The following RPS25 variants were observed in gnomAD, a reference collection of about 807,000 sequenced individuals.
RPS25 encodes ribosomal protein S25.
In RPS25, 1 loss-of-function variant was observed where a neutral mutation model predicts 14.4. The observed-to-expected ratio is 0.07, with a 90% CI of 0.02 to 0.33. RPS25 has a LOEUF of 0.33. Among genes scored for constraint, RPS25 ranks in the 10% least tolerant of loss-of-function variants. The probability of loss-of-function intolerance (pLI) is 1.00; values close to 1 mark genes in which losing one functional copy is unlikely to be tolerated. For synonymous variants in RPS25, 63 were observed against 53.8 expected (o/e 1.17, Z -0.75); for missense variants, 65 against 144.6 (o/e 0.45, Z 2.82).
intron 3 of RPS25, among the ~76,000 whole-genome samples, chr11:119,016,636 C>CA (rs2134588224): frequency 8.7e-6 from 1 of 115,022 alleles, no homozygotes; most frequent in East Asian, 2.3e-4. Flanking sequence ...TATCTTCCAC[C>CA]CCCCCCCCCT....
At chr11:119,016,645 C>T (rs943872926) in intron 3 of RPS25, among the ~76,000 whole-genome samples, 3 of 147,734 alleles carry the variant, frequency 2.0e-5, no homozygotes, top group East Asian at 2.0e-4. Flanking sequence ...CCCCCCCCCC[C>T]TTTCTGAGAC....
At position 119,017,765 on chromosome 11, in the gene RPS25, C is replaced by G. The variant is rs1015174673; in HGVS notation, c.99+193G>C. 4.5e-5 allele frequency: 30 copies of G among 663,470 alleles called. No individual in the cohort carries two copies. In the East Asian group the frequency reaches 8.2e-4, roughly 18 times the overall value. The allele number at this position is 663,470 out of a possible 1,614,324, so 41.1% of individuals were successfully genotyped here. A position where few individuals can be genotyped will look rare whatever the true frequency, so the allele number is the denominator to read the frequency against. On this transcript the variant is annotated intron_variant, in intron 2 of 4. Coordinates refer to ENST00000527673, the MANE Select transcript of RPS25 (RefSeq NM_001028.3). Reference sequence around the variant, plus strand: ...AAAAATAACACAGCAGGCACAGCGGCAGACACTTCGCACAACAGACCCATT... The same window carrying G: ...AAAAATAACACAGCAGGCACAGCGGGAGACACTTCGCACAACAGACCCATT...
chr11:119,018,213 C>T, intron 1 of RPS25, 69 bp downstream of exon 1: 1 of 1,611,092 alleles, frequency 6.2e-7, no homozygotes, highest in Non-Finnish European at 8.5e-7. Context: ...GGAGCGCTCC[C>T]GCCGAAGGCT....
At position 119,017,396 on chromosome 11, in the gene RPS25, C is replaced by G; in HGVS notation, c.249G>C (p.Leu83=). 1 of 1,614,048 alleles carries G rather than the reference C, an allele frequency of 6.2e-7. No homozygotes were observed. Among genetic ancestry groups the G allele is most frequent in the Non-Finnish European group, 8.5e-7 (1 of 1,179,960 alleles). The change falls in exon 3 of 5, where the codon CTG becomes CTC. Residue 83 remains leucine, a synonymous_variant. Coordinates refer to ENST00000527673, the MANE Select transcript of RPS25 (RefSeq NM_001028.3). ...VSERLKIRGS[L]ARAALQELLS... is the part of the protein sequence containing the mutation. ...GGAGCTCCTGAAGGGCTGCCCTGGC[C>G]AGGGAGCCTCGAATCTTCAGTCTCT... is the stretch of plus-strand genomic sequence containing the variant.
chr11:119,017,454 T>C lies in RPS25; in HGVS notation c.191A>G (p.Asn64Ser). The change falls in exon 3 of 5, where the codon AAC (asparagine) becomes AGC (serine). Residue 64 changes from asparagine to serine, a missense_variant. Asn to Ser is a conservative substitution (Grantham distance 46). Transcript: ENST00000527673. ...TYDKLCKEVP[N>S]YKLITPAVVS... ...CACAGCTGGGGTTATAAGTTTATAG[T>C]TGGGAACTTCCTTACAGAGTTTATC... The C allele has an allele frequency of 6.2e-7, 1 of 1,614,050 alleles. No homozygotes were observed. Among genetic ancestry groups the C allele is most frequent in the Non-Finnish European group, 8.5e-7 (1 of 1,179,932 alleles).
intron 1 of RPS25, 84 bp from the exon 2 acceptor site, chr11:119,018,137 C>T (rs1592091966): frequency 1.3e-6 from 2 of 1,561,268 alleles, no homozygotes; most frequent in East Asian, 4.5e-5. Flanking sequence ...CCCGCAAACT[C>T]CACCACCAGA....
In RPS25 at chr11:119,017,463, T is replaced by G. The variant is rs901128269; in HGVS notation, c.182A>C (p.Glu61Ala). 2 of 1,613,990 alleles carry G rather than the reference T, an allele frequency of 1.2e-6. No homozygotes were observed. Among genetic ancestry groups the G allele is most frequent in the Non-Finnish European group, 1.7e-6 (2 of 1,179,972 alleles). The change falls in exon 3 of 5, where the codon GAA (glutamate) becomes GCA (alanine). Residue 61 changes from glutamate to alanine, a missense_variant. Coordinates refer to ENST00000527673, the MANE Select transcript of RPS25 (RefSeq NM_001028.3). ...DKATYDKLCKEVPNYKLITPA... is the reference protein window; with the variant it reads ...DKATYDKLCKAVPNYKLITPA... ...GGTTATAAGTTTATAGTTGGGAACTTCCTTACAGAGTTTATCATAGGTAGC... is the reference window on the plus strand; with the variant it reads ...GGTTATAAGTTTATAGTTGGGAACTGCCTTACAGAGTTTATCATAGGTAGC...
In RPS25 at chr11:119,015,763, A is replaced by G; in HGVS notation, c.*5-5T>C. ...CAAATGTACAGCTGGTTGGACCTGTAAAAAAAAATTAAAAGAATCAGAACC... is the reference window on the plus strand; with the variant it reads ...CAAATGTACAGCTGGTTGGACCTGTGAAAAAAAATTAAAAGAATCAGAACC... On this transcript the variant is annotated splice_region_variant and splice_polypyrimidine_tract_variant and intron_variant, in intron 4 of 4. Transcript: ENST00000527673. The G allele has an allele frequency of 8.2e-7, 1 of 1,212,296 alleles. No individual in the cohort carries two copies. 75.1% of individuals were successfully genotyped at this position (1,212,296 alleles called of 1,614,324 possible).
Position 119,015,837 on chromosome 11 carries a change from T to G in RPS25, c.*4+4A>C. 1 of 1,568,982 alleles carries G rather than the reference T, an allele frequency of 6.4e-7. No individual in the cohort carries two copies. The highest frequency in any genetic ancestry group is 8.8e-7 in the Non-Finnish European group (1 of 1,138,996). ...ACACCATGAGCCCACACATTCCTACTCACCTATTCATGCATCTTCACCAGC... is the reference window on the plus strand; with the variant it reads ...ACACCATGAGCCCACACATTCCTACGCACCTATTCATGCATCTTCACCAGC... On this transcript the variant is annotated splice_donor_region_variant and intron_variant, in intron 4 of 4. Coordinates refer to ENST00000527673, the MANE Select transcript of RPS25 (RefSeq NM_001028.3).
intron 2 of RPS25, 185 bp from the exon 3 acceptor site, chr11:119,017,730 T>C (rs999401327): frequency 2.9e-6 from 2 of 683,768 alleles, no homozygotes; most frequent in African/African-American, 3.7e-5. Context: ...CGAGCCCCAC[T>C]AGATCAGTTA....
Position 119,018,342 on chromosome 11 carries a change from A to C in RPS25, c.-58T>G. 2.5e-6 allele frequency: 4 copies of C among 1,613,270 alleles called. No homozygotes were observed. The South Asian group carries it at 4.4e-5, about 18-fold the overall frequency. ...AGCCTCGTCAAGATGTCGGACAAAA[A>C]GGAAGCGCTGCTCAGAAACGGGCCC... On this transcript the variant is annotated 5_prime_UTR_variant, in exon 1 of 5. Transcript: ENST00000527673.
chr11:119,016,631 T>TCC (rs1204147644), intron 3 of RPS25, among the ~76,000 whole-genome samples: 1 of 141,578 alleles, frequency 7.1e-6, no homozygotes, highest in Admixed American at 6.9e-5. Context: ...TCCATTATCT[T>TCC]CCACCCCCCC....
chr11:119,015,778 G>A lies in RPS25; in HGVS notation c.*5-20C>T. On this transcript the variant is annotated intron_variant, in intron 4 of 4. Coordinates refer to ENST00000527673, the MANE Select transcript of RPS25 (RefSeq NM_001028.3). ...TTGGACCTGTAAAAAAAAATTAAAA[G>A]AATCAGAACCATAAAGCTTTGTATC... The A allele has an allele frequency of 7.5e-7, 1 of 1,333,858 alleles. No homozygotes were observed. Among genetic ancestry groups the A allele is most frequent in the Non-Finnish European group, 1.1e-6 (1 of 941,916 alleles). 82.6% of individuals were successfully genotyped at this position (1,333,858 alleles called of 1,614,324 possible). A position where few individuals can be genotyped will look rare whatever the true frequency, so the allele number is the denominator to read the frequency against.
At chr11:119,016,449 A>G (rs1250648446) in intron 3 of RPS25, among the ~76,000 whole-genome samples, 1 of 152,124 alleles carries the variant, frequency 6.6e-6, no homozygotes, top group Non-Finnish European at 1.5e-5. Context: ...GGTGCCCAGA[A>G]TGGTCTTAAA....
At chr11:119,017,737 G>T in intron 2 of RPS25, 192 bp from the exon 3 acceptor site, 1 of 677,812 alleles carries the variant, frequency 1.5e-6, no homozygotes, top group Non-Finnish European at 2.5e-6. Context: ...CACTAGATCA[G>T]TTAAAAATAA....
chr11:119,017,915 A>G, intron 2 of RPS25, 43 bp downstream of exon 2: 1 of 1,484,012 alleles, frequency 6.7e-7, no homozygotes, highest in South Asian at 1.1e-5. Context: ...GAGGATTACG[A>G]GAGAGTTACC....
intron 3 of RPS25, 148 bp from the exon 4 acceptor site, chr11:119,016,087 A>G (rs1943149180): frequency 1.8e-6 from 1 of 565,960 alleles, no homozygotes; most frequent in Non-Finnish European, 3.2e-6. Flanking sequence ...AAGGAGTTGC[A>G]CACCAGCCTG....
At chr11:119,016,593 T>C (rs144174154) in intron 3 of RPS25, among the ~76,000 whole-genome samples, 1 of 151,680 alleles carries the variant, frequency 6.6e-6, no homozygotes, top group African/African-American at 2.4e-5. Context: ...AACGATCATC[T>C]ATCCTTACTT....
intron 3 of RPS25, among the ~76,000 whole-genome samples, chr11:119,016,260 T>C (rs1305428983): frequency 6.6e-6 from 1 of 152,186 alleles, no homozygotes; most frequent in Non-Finnish European, 1.5e-5. Context: ...CACTCCAACC[T>C]GGGCAACAGA....
Sources: gnomAD v4.1 joint callset for allele counts (sites outside exome capture counted in the v4.1 genomes callset) on GRCh38, gnomAD v4.1.1 for gene constraint, MANE v1.5 for transcripts, NCBI Gene and HGNC (gene_info 2026-07-23, HGNC 2026-07-21) for gene names.